The following GAS2 variants were observed in gnomAD, a reference collection of about 807,000 sequenced individuals.
The protein encoded by GAS2 is growth arrest-specific protein 2.
A neutral mutation model predicts 37.5 loss-of-function variants in GAS2; 20 were observed. The observed-to-expected ratio is 0.53, with a 90% CI of 0.37 to 0.77. The LOEUF is 0.77. Among genes scored for constraint, GAS2 ranks in the 30% least tolerant of loss-of-function variants. The pLI, the probability that GAS2 is intolerant of heterozygous loss-of-function variation, is 0.00. For missense variants in GAS2, 336 were observed against 373.4 expected, an observed-to-expected ratio of 0.90 and a Z score of 0.82; for synonymous variants, 144 against 132.2, an observed-to-expected ratio of 1.09 and a Z score of -0.61.
chr11:22,743,110 G>A (rs1260987170), intron 5 of GAS2, among the ~76,000 whole-genome samples: 1 of 152,068 alleles, frequency 6.6e-6, no homozygotes. Flanking sequence ...TACCCAGTGA[G>A]TTAGTAGCAA....
intron 3 of GAS2, 70 bp downstream of exon 3, chr11:22,685,859 G>A (rs1332247326): frequency 6.8e-7 from 1 of 1,478,836 alleles, no homozygotes; most frequent in African/African-American, 1.4e-5. Flanking sequence ...TAAATTGTGT[G>A]TAATTAAAAA....
At chr11:22,637,909 G>A (rs1858858991) in intron 1 of GAS2, among the ~76,000 whole-genome samples, 1 of 151,172 alleles carries the variant, frequency 6.6e-6, no homozygotes, top group Non-Finnish European at 1.5e-5. Context: ...ATTGGATTAA[G>A]ACAGACCTTA....
At chr11:22,707,175 G>C (rs1349224093) in intron 3 of GAS2, among the ~76,000 whole-genome samples, 1 of 152,144 alleles carries the variant, frequency 6.6e-6, no homozygotes. Flanking sequence ...TTTCCTACTT[G>C]AGGACACAGA....
At chr11:22,658,595 C>T (rs903443446) in intron 1 of GAS2, among the ~76,000 whole-genome samples, 4 of 152,154 alleles carry the variant, frequency 2.6e-5, no homozygotes, top group African/African-American at 7.2e-5. Context: ...CTGTTTCTCA[C>T]ACCACATATC....
In GAS2 at chr11:22,789,427, T is replaced by TATATAAATATATATATATATATAA. The variant is rs1564889859; in HGVS notation, c.724-22366_724-22365insAATATATATATATATATAAATATA. 6.3e-3 allele frequency among the ~76,000 whole-genome samples: 212 copies of TATATAAATATATATATATATATAA among 33,882 alleles called. 8 individuals are homozygous for TATATAAATATATATATATATATAA. Among genetic ancestry groups the TATATAAATATATATATATATATAA allele is most frequent in the African/African-American group, 0.031 (207 of 6,758 alleles). The allele number at this position is 33,882 out of a possible 152,430, so 22.2% of individuals were successfully genotyped here. ...GTATGTGTGTGTATCTCATATGAGATATATATATATATATATATATATATA... is the reference window on the plus strand; with the variant it reads ...GTATGTGTGTGTATCTCATATGAGATATATAAATATATATATATATATAAATATATATATATATATATATATATA... On this transcript the variant is annotated intron_variant, in intron 7 of 7. Transcript: ENST00000454584.
rs1466946868 is a variant in GAS2 at position 22,650,913 on chromosome 11, T to C, written c.-20-23937T>C. Reference sequence around the variant, plus strand: ...TCTTTTAATTGGAGCATTTAGTCCATTTACATTTAAAGTTAATATTGTTAT... The same window carrying C: ...TCTTTTAATTGGAGCATTTAGTCCACTTACATTTAAAGTTAATATTGTTAT... On this transcript the variant is annotated intron_variant, in intron 1 of 5. Coordinates refer to the GAS2 transcript ENST00000528582. Among the ~76,000 whole-genome samples, 3 of 151,224 alleles carry C rather than the reference T, an allele frequency of 2.0e-5. No individual in the cohort carries two copies. The East Asian group carries it at 5.8e-4, about 29-fold the overall frequency.
At chr11:22,638,874 C>T (rs1858874869) in intron 1 of GAS2, among the ~76,000 whole-genome samples, 1 of 151,942 alleles carries the variant, frequency 6.6e-6, no homozygotes, top group Non-Finnish European at 1.5e-5. Flanking sequence ...TTTCCTCATC[C>T]AGAAATCTAC....
chr11:22,735,863 T>A (rs1033464463), intron 4 of GAS2, among the ~76,000 whole-genome samples: 1 of 151,884 alleles, frequency 6.6e-6, no homozygotes, highest in African/African-American at 2.4e-5. Flanking sequence ...TATCAAAAGC[T>A]CTTGATGCTA....
At chr11:22,756,192 G>A (rs1319368086) in intron 7 of GAS2, among the ~76,000 whole-genome samples, 1 of 152,004 alleles carries the variant, frequency 6.6e-6, no homozygotes, top group Non-Finnish European at 1.5e-5. Flanking sequence ...AGATCAAATA[G>A]ATGAAGAAGG....
At chr11:22,743,649 G>T (rs1853216948) in intron 5 of GAS2, among the ~76,000 whole-genome samples, 1 of 151,956 alleles carries the variant, frequency 6.6e-6, no homozygotes, top group African/African-American at 2.4e-5. Context: ...CTTGAGAACA[G>T]GCCATTTTCA....
intron 2 of GAS2, among the ~76,000 whole-genome samples, chr11:22,676,539 A>G (rs1849437475): frequency 6.6e-6 from 1 of 151,968 alleles, no homozygotes. Flanking sequence ...CTTGTCCCTC[A>G]TTTTCCTCAT....
intron 3 of GAS2, among the ~76,000 whole-genome samples, chr11:22,711,975 A>G (rs1178442484): frequency 6.6e-6 from 1 of 152,096 alleles, no homozygotes; most frequent in Non-Finnish European, 1.5e-5. Context: ...GACCCTGTCC[A>G]TCACCTGAGA....
At chr11:22,760,030 T>C (rs1009588268) in intron 7 of GAS2, among the ~76,000 whole-genome samples, 4 of 152,226 alleles carry the variant, frequency 2.6e-5, no homozygotes, top group African/African-American at 9.6e-5. Flanking sequence ...GTGCTGCGGC[T>C]CACTGCAACC....
chr11:22,767,258 G>A (rs1010623493), intron 7 of GAS2, among the ~76,000 whole-genome samples: 3 of 151,938 alleles, frequency 2.0e-5, no homozygotes, highest in Non-Finnish European at 4.4e-5. Flanking sequence ...AAGTAATCCT[G>A]TTAGTGATTG....
intron 7 of GAS2, among the ~76,000 whole-genome samples, chr11:22,775,271 T>G (rs1166864149): frequency 2.6e-5 from 4 of 152,290 alleles, no homozygotes; most frequent in African/African-American, 9.6e-5. Context: ...GGACGAGCAT[T>G]CCACCGTTTT....
At chr11:22,635,318 C>T (rs12805507) in intron 1 of GAS2, among the ~76,000 whole-genome samples, 22,822 of 152,168 alleles carry the variant, frequency 0.15, 2,101 homozygotes, top group East Asian at 0.22. Context: ...AGTTCTGTGG[C>T]TTCTGAGGGA....
At chr11:22,687,016 C>T (rs569276397) in intron 3 of GAS2, among the ~76,000 whole-genome samples, 1 of 152,146 alleles carries the variant, frequency 6.6e-6, no homozygotes, top group South Asian at 2.1e-4. Flanking sequence ...ATTACCTGAG[C>T]ATCTTTTAAA....
At chr11:22,633,191 C>T (rs1192216704) in intron 1 of GAS2, among the ~76,000 whole-genome samples, 1 of 152,074 alleles carries the variant, frequency 6.6e-6, no homozygotes, top group African/African-American at 2.4e-5. Context: ...ACCATTTCTT[C>T]TAATTACTTC....
chr11:22,656,389 GA>G (rs765598079), intron 1 of GAS2, among the ~76,000 whole-genome samples: 1 of 152,108 alleles, frequency 6.6e-6, no homozygotes, highest in Non-Finnish European at 1.5e-5. Context: ...ACAGAATGTT[GA>G]AAAAGATATC....
Sources: gnomAD v4.1 joint callset for allele counts (sites outside exome capture counted in the v4.1 genomes callset) on GRCh38, gnomAD v4.1.1 for gene constraint, MANE v1.5 for transcripts, NCBI Gene and HGNC (gene_info 2026-07-23, HGNC 2026-07-21) for gene names.